SLC1A1: variants seen among roughly 807,000 people sequenced by gnomAD.
The protein encoded by SLC1A1 is excitatory amino acid transporter 3.
SLC1A1 carries 43 observed loss-of-function variants against 53.3 expected under a neutral mutation model. That is an observed-to-expected ratio of 0.81 (90% confidence interval 0.63 to 1.04). SLC1A1 has a LOEUF of 1.04. Among genes scored for constraint, SLC1A1 ranks in the 50% least tolerant of loss-of-function variants. The pLI is 0.00. For synonymous variants in SLC1A1, 307 were observed against 243.2 expected (o/e 1.26, Z -2.44); for missense variants, 748 against 664.9 (o/e 1.12, Z -1.37).
At chr9:4,552,870 C>T (rs566574290) in intron 2 of SLC1A1, among the ~76,000 whole-genome samples, 33 of 151,762 alleles carry the variant, frequency 2.2e-4, no homozygotes, top group African/African-American at 7.7e-4. Context: ...CTATAAAGTA[C>T]CTGAACTGGC....
intron 1 of SLC1A1, among the ~76,000 whole-genome samples, chr9:4,524,133 G>C (rs530167887): frequency 6.6e-6 from 1 of 152,254 alleles, no homozygotes; most frequent in Non-Finnish European, 1.5e-5. Flanking sequence ...GATCCTATGT[G>C]CATACATGGG....
Position 4,586,946 on chromosome 9 carries a change from C to T in SLC1A1, c.*1388C>T, listed in dbSNP as rs2129914138. The T allele has an allele frequency of 6.5e-6, 1 of 152,696 alleles. No individual in the cohort carries two copies. The highest frequency in any genetic ancestry group is 2.1e-4 in the South Asian group (1 of 4,824). 9.5% of individuals were successfully genotyped at this position (152,696 alleles called of 1,614,324 possible). A position where few individuals can be genotyped will look rare whatever the true frequency, so the allele number is the denominator to read the frequency against. ...ATTTATGAAGATAGTTTATTATAGTCTGTACTTCAGTTCTCATCTTGTAAA... is the reference window on the plus strand; with the variant it reads ...ATTTATGAAGATAGTTTATTATAGTTTGTACTTCAGTTCTCATCTTGTAAA... On this transcript the variant is annotated 3_prime_UTR_variant, in exon 12 of 12. Coordinates refer to ENST00000262352, the MANE Select transcript of SLC1A1 (RefSeq NM_004170.6).
At position 4,587,169 on chromosome 9, in the gene SLC1A1, G is replaced by A. The variant is rs980623854; in HGVS notation, c.*1611G>A. ...CAACATAATGATACTGAATTGTTAT[G>A]TAAACATCATAAATAGTAAATAATG... On this transcript the variant is annotated 3_prime_UTR_variant, in exon 12 of 12. Transcript: ENST00000262352. 2.0e-5 allele frequency: 3 copies of A among 152,596 alleles called. No homozygotes were observed. Among genetic ancestry groups the A allele is most frequent in the Admixed American group, 6.5e-5 (1 of 15,280 alleles). 9.5% of individuals were successfully genotyped at this position (152,596 alleles called of 1,614,324 possible).
At chr9:4,571,991 G>A (rs1205196200) in intron 6 of SLC1A1, among the ~76,000 whole-genome samples, 1 of 152,148 alleles carries the variant, frequency 6.6e-6, no homozygotes, top group East Asian at 1.9e-4. Context: ...TGAAAGAAGA[G>A]AAAGCATTTT....
At chr9:4,521,996 C>T (rs533571155) in intron 1 of SLC1A1, among the ~76,000 whole-genome samples, 1 of 151,164 alleles carries the variant, frequency 6.6e-6, no homozygotes, top group Admixed American at 6.6e-5. Context: ...GGCCCATTTC[C>T]TTCTTTGTTA....
At position 4,573,965 on chromosome 9, in the gene SLC1A1, T is replaced by C. The variant is rs1466972201; in HGVS notation, c.826T>C (p.Trp276Arg). Residue 276 changes from tryptophan to arginine, a missense_variant, in exon 8 of 12, where the codon TGG becomes CGG. Physicochemically the swap from Trp to Arg is moderately radical, Grantham distance 101. Transcript: ENST00000262352. ...TGGGAAGATCATAGAAGTTGAAGAC[T>C]GGGAAATATTCCGCAAGCTGGGCCT... ...IAGKIIEVED[W>R]EIFRKLGLYM... is the part of the protein sequence containing the mutation. 6.2e-7 allele frequency: 1 copy of C among 1,614,084 alleles called. No individual in the cohort carries two copies. Among genetic ancestry groups the C allele is most frequent in the South Asian group, 1.1e-5 (1 of 91,084 alleles).
chr9:4,536,993 T>C (rs1252879803), intron 1 of SLC1A1, among the ~76,000 whole-genome samples: 2 of 151,190 alleles, frequency 1.3e-5, no homozygotes, highest in Non-Finnish European at 2.9e-5. Context: ...AATTGAACAA[T>C]GAGAACACTT....
At chr9:4,516,453 C>G (rs1405234384) in intron 1 of SLC1A1, among the ~76,000 whole-genome samples, 3 of 152,206 alleles carry the variant, frequency 2.0e-5, no homozygotes, top group African/African-American at 7.2e-5. Context: ...CCCTTTTACC[C>G]AAAGTCTGAA....
intron 1 of SLC1A1, among the ~76,000 whole-genome samples, chr9:4,496,031 C>A (rs976151613): frequency 6.6e-6 from 1 of 152,000 alleles, no homozygotes; most frequent in Admixed American, 6.6e-5. Context: ...AGTGGAGTGT[C>A]GACTTAAGAC....
At chr9:4,567,628 C>CT in intron 5 of SLC1A1, 41 bp from the exon 6 acceptor site, 2 of 1,359,936 alleles carry the variant, frequency 1.5e-6, no homozygotes, top group East Asian at 2.3e-5. Context: ...AAAAAAAATT[C>CT]TTTTTTTGTT....
rs761430315 is a variant in SLC1A1, at chr9:4,576,637, G to A, written c.1067G>A (p.Arg356Gln). 5.6e-6 allele frequency: 9 copies of A among 1,614,044 alleles called. No individual in the cohort carries two copies. Among genetic ancestry groups the A allele is most frequent in the Middle Eastern group, 1.6e-4 (1 of 6,084 alleles). Residue 356 changes from arginine to glutamine, a missense_variant, in exon 10 of 12, where the codon CGA becomes CAA. By Grantham distance (43) the Arg-to-Gln change is conservative. Transcript: ENST00000262352. Reference protein sequence around the residue: ...ENNQVDKRITRFVLPVGATIN... With the variant: ...ENNQVDKRITQFVLPVGATIN... ...AACCAGGTGGACAAGAGGATCACTCGATTCGTGTTACCCGTTGGTGCAACA... is the reference window on the plus strand; with the variant it reads ...AACCAGGTGGACAAGAGGATCACTCAATTCGTGTTACCCGTTGGTGCAACA...
chr9:4,515,590 GA>G (rs1365707937), intron 1 of SLC1A1, among the ~76,000 whole-genome samples: 2 of 121,012 alleles, frequency 1.7e-5, no homozygotes, highest in African/African-American at 6.4e-5. Flanking sequence ...GAGGGTGGAA[GA>G]CAAACCCTTG....
At chr9:4,554,804 G>C (rs895996725) in intron 2 of SLC1A1, among the ~76,000 whole-genome samples, 3 of 152,214 alleles carry the variant, frequency 2.0e-5, no homozygotes, top group Admixed American at 1.3e-4. Context: ...GATCTCTTTA[G>C]TGACCGTGTA....
intron 2 of SLC1A1, among the ~76,000 whole-genome samples, chr9:4,551,709 G>A (rs966181622): frequency 1.3e-5 from 2 of 152,226 alleles, no homozygotes; most frequent in Non-Finnish European, 2.9e-5. Context: ...AGACAAGTTT[G>A]TTGCCTAAGA....
At chr9:4,577,515 G>T (rs530411942) in intron 10 of SLC1A1, among the ~76,000 whole-genome samples, 7 of 152,172 alleles carry the variant, frequency 4.6e-5, no homozygotes, top group African/African-American at 1.7e-4. Flanking sequence ...TTGCTCTGTC[G>T]CCCAGGCTGG....
chr9:4,558,222 T>A (rs980443956), intron 2 of SLC1A1, among the ~76,000 whole-genome samples: 11 of 152,156 alleles, frequency 7.2e-5, no homozygotes, highest in Non-Finnish European at 1.2e-4. Context: ...TCTATGGTGG[T>A]CACCACCCTT....
chr9:4,534,172 A>G (rs1200938565), intron 1 of SLC1A1, among the ~76,000 whole-genome samples: 1 of 152,174 alleles, frequency 6.6e-6, no homozygotes, highest in Non-Finnish European at 1.5e-5. Flanking sequence ...GAGCAAACAC[A>G]TTCAAAAGCT....
rs1391820158 is a variant in SLC1A1, at chr9:4,498,962, TA to T, written c.91+8193del. Reference sequence around the variant, plus strand: ...ATATACATAATATATACATATATATTATATATGTATATATAATCTTATATAT... The same window carrying T: ...ATATACATAATATATACATATATATTTATATGTATATATAATCTTATATAT... On this transcript the variant is annotated intron_variant, in intron 1 of 11. Coordinates refer to ENST00000262352, the MANE Select transcript of SLC1A1 (RefSeq NM_004170.6). Among the ~76,000 whole-genome samples, 3 of 144,950 alleles carry T rather than the reference TA, an allele frequency of 2.1e-5. No homozygotes were observed. The East Asian group carries it at 5.9e-4, about 28-fold the overall frequency.
intron 1 of SLC1A1, among the ~76,000 whole-genome samples, chr9:4,515,191 A>C (rs1424997397): frequency 1.3e-5 from 2 of 152,102 alleles, no homozygotes; most frequent in African/African-American, 4.8e-5. Context: ...AACTAATCAG[A>C]TGCTGGCCTC....
Sources: allele counts gnomAD v4.1 joint callset (sites outside exome capture counted in the v4.1 genomes callset), GRCh38; gene constraint gnomAD v4.1.1; transcripts MANE v1.5; gene names NCBI Gene and HGNC (gene_info 2026-07-23, HGNC 2026-07-21).